The following HLA-DQB1 variants were observed in gnomAD, a reference collection of about 807,000 sequenced individuals.
HLA-DQB1 encodes HLA class II histocompatibility antigen, DQ beta 1 chain.
In HLA-DQB1, 13 loss-of-function variants were observed where a neutral mutation model predicts 26.4. The observed-to-expected ratio is 0.49, with a 90% confidence interval of 0.32 to 0.78. HLA-DQB1 has a LOEUF of 0.78. Among genes scored for constraint, HLA-DQB1 ranks in the 30% least tolerant of loss-of-function variants. The pLI is 0.03. For missense variants in HLA-DQB1, 158 were observed against 326.2 expected (o/e 0.48, Z 3.97); for synonymous variants, 60 against 129.1 (o/e 0.46, Z 3.63).
intron 1 of HLA-DQB1, 48 bp from the exon 2 acceptor site, chr6:32,665,115 CCG>C (rs200624488): frequency 0.09 from 88,721 of 987,410 alleles, 14,100 homozygotes; most frequent in South Asian, 0.19. Flanking sequence ...CCGGCCGCCC[CCG>C]CAGCCGCCGC....
chr6:32,662,686 CCGCCTCT>C (rs747521887), intron 2 of HLA-DQB1: 8,800 of 114,924 alleles, frequency 0.077, 1,401 homozygotes, highest in South Asian at 0.093. Context: ...ACATCTTTCC[CCGCCTCT>C]TTTACACATC....
chr6:32,662,049 C>T (rs9273954), exon 3 of HLA-DQB1: 3 of 1,515,074 alleles, frequency 2.0e-6, no homozygotes, highest in Non-Finnish European at 2.7e-6. Flanking sequence ...GAGTCATTTC[C>T]AGCATCACCA....
chr6:32,660,013 T>C (rs930155204), exon 5 of HLA-DQB1: 20 of 315,800 alleles, frequency 6.3e-5, no homozygotes, highest in African/African-American at 6.5e-5. Context: ...TAGACGCAGC[T>C]GGCCATGCAC....
At chr6:32,660,961 T>TGG in intron 4 of HLA-DQB1, 1 of 784,064 alleles carries the variant, frequency 1.3e-6, no homozygotes. Flanking sequence ...ATGACACACA[T>TGG]GACTTAGAGT....
rs1158540892 is a variant in HLA-DQB1 at position 32,660,167 on chromosome 6, A to G, written c.*69T>C. ...GACAAGCTGACACAGGCAGCTGGGA[A>G]TTCTGGGCAGGCATAAGCAGGCATC... On this transcript the variant is annotated 3_prime_UTR_variant, in exon 5 of 5. Transcript: ENST00000434651. 1.1e-5 allele frequency: 8 copies of G among 724,246 alleles called. 1 individual carries two copies. The highest frequency in any genetic ancestry group is 1.7e-5 in the Non-Finnish European group (8 of 464,628). 44.9% of individuals were successfully genotyped at this position (724,246 alleles called of 1,614,324 possible). A position where few individuals can be genotyped will look rare whatever the true frequency, so the allele number is the denominator to read the frequency against.
intron 3 of HLA-DQB1, 171 bp from the exon 4 acceptor site, chr6:32,661,628 G>A: frequency 2.2e-6 from 1 of 451,466 alleles, no homozygotes; most frequent in South Asian, 2.7e-5. Flanking sequence ...CTTGGATACA[G>A]TGAATAGGTG....
intron 1 of HLA-DQB1, among the ~76,000 whole-genome samples, chr6:32,665,299 G>T (rs281861860): frequency 1.6e-5 from 2 of 124,628 alleles, no homozygotes; most frequent in South Asian, 2.5e-4. Context: ...GGAAAGCCCT[G>T]TCCCTGCCTG....
At position 32,665,871 on chromosome 6, in the gene HLA-DQB1, T is replaced by C. The variant is rs116984222; in HGVS notation, c.109+628A>G. On this transcript the variant is annotated intron_variant, in intron 1 of 4. Coordinates refer to ENST00000434651, the Ensembl canonical transcript of HLA-DQB1. ...GGTTTCACAATATGTGTTATTTCCC[T>C]TCTTTACATCCTCCTTCCTACTAAA... Among the ~76,000 whole-genome samples the C allele has an allele frequency of 0.018, 2,087 of 117,624 alleles. 227 individuals are homozygous for C. The East Asian group carries it at 0.19, about 11-fold the overall frequency. 77.2% of individuals were successfully genotyped at this position (117,624 alleles called of 152,430 possible).
chr6:32,665,140 T>C (rs9274414), intron 1 of HLA-DQB1, 73 bp from the exon 2 acceptor site: 451,255 of 797,022 alleles, frequency 0.57, 170,894 homozygotes, highest in East Asian at 0.84. Context: ...TGACCCGGCC[T>C]GGAGCTGTGG....
chr6:32,662,994 T>G (rs281863625), intron 2 of HLA-DQB1: 1 of 140,640 alleles, frequency 7.1e-6, no homozygotes, highest in Admixed American at 7.2e-5. Context: ...CTAATGAGCC[T>G]GTAATGTGAA....
exon 5 of HLA-DQB1, chr6:32,659,996 A>G (rs1049213): frequency 0.6 from 162,538 of 270,736 alleles, 55,684 homozygotes; most frequent in Admixed American, 0.74. Flanking sequence ...ACCCCTTGGG[A>G]CCTGAGTAGA....
chr6:32,666,078 G>C (rs28534808), intron 1 of HLA-DQB1, among the ~76,000 whole-genome samples: 32 of 119,422 alleles, frequency 2.7e-4, no homozygotes, highest in Non-Finnish European at 3.9e-4. Flanking sequence ...CAAATACAGA[G>C]ACTACAGACA....
intron 4 of HLA-DQB1, 96 bp from the exon 5 acceptor site, chr6:32,660,345 G>C (rs9273481): frequency 0.17 from 89,846 of 540,354 alleles, 18,172 homozygotes; most frequent in African/African-American, 0.3. Flanking sequence ...TTCAGACAGA[G>C]AAAGTTGAGG....
intron 1 of HLA-DQB1, among the ~76,000 whole-genome samples, chr6:32,665,419 A>T (rs9274440): frequency 7.5e-6 from 1 of 133,432 alleles, no homozygotes; most frequent in Non-Finnish European, 1.6e-5. Flanking sequence ...AAGCTCCTGG[A>T]TACCTCAGAG....
At chr6:32,661,788 C>A (rs9273831) in intron 3 of HLA-DQB1, 179 bp downstream of exon 3, 1 of 579,240 alleles carries the variant, frequency 1.7e-6, no homozygotes. Flanking sequence ...TCCCTAGCAT[C>A]TGGAAAGGTG....
intron 2 of HLA-DQB1, chr6:32,663,417 ATTAAC>A (rs1783409476): frequency 2.7e-5 from 1 of 37,358 alleles, no homozygotes; most frequent in Non-Finnish European, 6.4e-5. Context: ...TCAATGCCGC[ATTAAC>A]ACACAGAACA....
At chr6:32,665,475 T>C (rs9274444) in intron 1 of HLA-DQB1, among the ~76,000 whole-genome samples, 88,993 of 124,370 alleles carry the variant, frequency 0.72, 34,647 homozygotes, top group East Asian at 0.88. Flanking sequence ...AATGACGAGA[T>C]AGGTCCAGGA....
At chr6:32,664,971 T>G in exon 2 of HLA-DQB1, 1 of 1,327,280 alleles carries the variant, frequency 7.5e-7, no homozygotes. Context: ...GAAGCGCGCG[T>G]ACTCCTCTCG....
At chr6:32,665,813 G>T (rs9274468) in intron 1 of HLA-DQB1, among the ~76,000 whole-genome samples, 82,901 of 116,644 alleles carry the variant, frequency 0.71, 31,864 homozygotes, top group East Asian at 0.89. Context: ...TGAGAGAGAA[G>T]TTATATAAAG....
Sources: allele counts gnomAD v4.1 joint callset (sites outside exome capture counted in the v4.1 genomes callset), GRCh38; gene constraint gnomAD v4.1.1; transcripts MANE v1.5; gene names NCBI Gene and HGNC (gene_info 2026-07-23, HGNC 2026-07-21).